The following PDS5B variants were observed in gnomAD, a reference collection of about 807,000 sequenced individuals.
PDS5B encodes the protein sister chromatid cohesion protein PDS5 homolog B.
In PDS5B, 51 loss-of-function variants were observed where a neutral mutation model predicts 184.1. That is an observed-to-expected ratio of 0.28 (90% confidence interval 0.22 to 0.35). The LOEUF is 0.35. PDS5B is among the 10% of genes least tolerant of loss of function. PDS5B has a pLI of 1.00. For missense variants in PDS5B, 1,180 were observed against 1,723.3 expected (o/e 0.68, Z 5.58); for synonymous variants, 566 against 569.2 (o/e 0.99, Z 0.08).
chr13:32,739,497 T>C (rs551503356), intron 21 of PDS5B, among the ~76,000 whole-genome samples: 1 of 152,350 alleles, frequency 6.6e-6, no homozygotes, highest in South Asian at 2.1e-4. Context: ...TGATTTTATA[T>C]CCATCTTTCT....
chr13:32,618,221 A>T (rs1022691189), intron 1 of PDS5B, among the ~76,000 whole-genome samples: 3 of 152,204 alleles, frequency 2.0e-5, no homozygotes, highest in Non-Finnish European at 4.4e-5. Context: ...TGGAGGGGAC[A>T]CATTCTACTA....
chr13:32,676,267 T>C (rs990319873), intron 9 of PDS5B, among the ~76,000 whole-genome samples: 4 of 152,174 alleles, frequency 2.6e-5, no homozygotes, highest in African/African-American at 9.7e-5. Flanking sequence ...TTGGGAGATA[T>C]AGCCTCTCTA....
rs186717209 is a variant in PDS5B at position 32,631,190 on chromosome 13, A to G, written c.-19-17564A>G. On this transcript the variant is annotated intron_variant, in intron 1 of 34. Coordinates refer to ENST00000315596, the MANE Select transcript of PDS5B (RefSeq NM_015032.4). Reference sequence around the variant, plus strand: ...GGGTGCAGTGGTGGGATCGTGGCTCACTGTAGCCTCGACATCCCTAGGCTT... The same window carrying G: ...GGGTGCAGTGGTGGGATCGTGGCTCGCTGTAGCCTCGACATCCCTAGGCTT... Among the ~76,000 whole-genome samples the G allele has an allele frequency of 2.9e-4, 41 of 143,026 alleles. No individual in the cohort carries two copies. The East Asian group carries it at 7.8e-3, about 27-fold the overall frequency. The allele number at this position is 143,026 out of a possible 152,430, so 93.8% of individuals were successfully genotyped here.
chr13:32,742,855 T>G, intron 23 of PDS5B, 128 bp downstream of exon 23: 2 of 817,648 alleles, frequency 2.4e-6, no homozygotes, highest in Non-Finnish European at 1.9e-6. Context: ...GTGCATATAT[T>G]TTTACTGGAA....
intron 29 of PDS5B, among the ~76,000 whole-genome samples, chr13:32,760,207 G>A (rs964894028): frequency 6.6e-6 from 1 of 152,154 alleles, no homozygotes; most frequent in Admixed American, 6.5e-5. Flanking sequence ...CACCCGCCTT[G>A]GCCTCCCAAA....
chr13:32,692,369 T>G (rs1007230647), intron 13 of PDS5B, among the ~76,000 whole-genome samples: 5 of 151,080 alleles, frequency 3.3e-5, no homozygotes, highest in Non-Finnish European at 4.4e-5. Context: ...ATCGGGGTCT[T>G]TGTTGTGATC....
At chr13:32,620,514 TGTG>T (rs1371732038) in intron 1 of PDS5B, among the ~76,000 whole-genome samples, 1 of 151,824 alleles carries the variant, frequency 6.6e-6, no homozygotes, top group Non-Finnish European at 1.5e-5. Context: ...ATTAGCTGGG[TGTG>T]GTGGCAGGTG....
chr13:32,764,192 TG>T (rs1436189579), intron 30 of PDS5B, among the ~76,000 whole-genome samples: 1 of 152,102 alleles, frequency 6.6e-6, no homozygotes, highest in South Asian at 2.1e-4. Context: ...CAAGCTAAAC[TG>T]CCAACGAGAA....
At chr13:32,654,952 A>G (rs1331390871) in intron 3 of PDS5B, among the ~76,000 whole-genome samples, 2 of 152,082 alleles carry the variant, frequency 1.3e-5, no homozygotes, top group Non-Finnish European at 1.5e-5. Context: ...GGTTGATTCC[A>G]TGTCTTTGCT....
intron 23 of PDS5B, among the ~76,000 whole-genome samples, chr13:32,745,343 CAG>C (rs1453504438): frequency 2.0e-5 from 3 of 152,154 alleles, no homozygotes; most frequent in African/African-American, 7.2e-5. Context: ...AACATACAGA[CAG>C]ATTTCTTCTA....
At chr13:32,771,136 G>C (rs1954770996) in intron 33 of PDS5B, 1 of 162,696 alleles carries the variant, frequency 6.1e-6, no homozygotes, top group Non-Finnish European at 1.3e-5. Flanking sequence ...TTAAAAAAAG[G>C]AAAATAGGTC....
At chr13:32,710,151 T>A (rs1481483514) in intron 19 of PDS5B, 45 bp downstream of exon 19, 15 of 1,263,126 alleles carry the variant, frequency 1.2e-5, no homozygotes, top group African/African-American at 1.5e-5. Context: ...ATCAGAAACA[T>A]AATTATTTCT....
rs531169518 is a variant in PDS5B at position 32,618,687 on chromosome 13, T to A, written c.-19-30067T>A. 3.3e-5 allele frequency among the ~76,000 whole-genome samples: 5 copies of A among 152,326 alleles called. No homozygotes were observed. The South Asian group carries it at 1.0e-3, about 32-fold the overall frequency. On this transcript the variant is annotated intron_variant, in intron 1 of 34. Transcript: ENST00000315596. ...ATAGTCTTAATGTAGTAAGATCTTTTATGGTTTATATGGGCATTCATGTAT... is the reference window on the plus strand; with the variant it reads ...ATAGTCTTAATGTAGTAAGATCTTTAATGGTTTATATGGGCATTCATGTAT...
intron 1 of PDS5B, among the ~76,000 whole-genome samples, chr13:32,634,285 T>G (rs991041429): frequency 1.3e-5 from 2 of 152,226 alleles, no homozygotes; most frequent in African/African-American, 4.8e-5. Flanking sequence ...AGCCTTAGAT[T>G]AACTGGTCCC....
chr13:32,586,966 GGGCCGCCC>G (rs1213074536), intron 1 of PDS5B, among the ~76,000 whole-genome samples: 1 of 142,964 alleles, frequency 7.0e-6, no homozygotes, highest in East Asian at 2.1e-4. Context: ...GGGGGTCTCG[GGGCCGCCC>G]GGCCGCCCGC....
At chr13:32,613,538 T>C (rs761476292) in intron 1 of PDS5B, among the ~76,000 whole-genome samples, 10 of 152,104 alleles carry the variant, frequency 6.6e-5, no homozygotes, top group Non-Finnish European at 1.0e-4. Flanking sequence ...GTATATCTTC[T>C]CTGGAAAACT....
chr13:32,645,772 A>G (rs59968457), intron 1 of PDS5B, among the ~76,000 whole-genome samples: 7,347 of 152,298 alleles, frequency 0.048, 489 homozygotes, highest in African/African-American at 0.16. Flanking sequence ...CTTTAGCTCT[A>G]TATGACTTCA....
intron 1 of PDS5B, among the ~76,000 whole-genome samples, chr13:32,603,391 A>G (rs986641031): frequency 6.6e-6 from 1 of 152,184 alleles, no homozygotes; most frequent in Non-Finnish European, 1.5e-5. Context: ...GGTTTGTCAA[A>G]GATCAGATGG....
At chr13:32,650,453 A>T (rs1217447944) in intron 2 of PDS5B, 1 of 152,218 alleles carries the variant, frequency 6.6e-6, no homozygotes, top group Non-Finnish European at 1.5e-5. Flanking sequence ...CAATTTGTTA[A>T]CGTGTAAGGT....
Sources: gnomAD v4.1 joint callset for allele counts (sites outside exome capture counted in the v4.1 genomes callset) on GRCh38, gnomAD v4.1.1 for gene constraint, MANE v1.5 for transcripts, NCBI Gene and HGNC (gene_info 2026-07-23, HGNC 2026-07-21) for gene names.